Variants in ZNF77 observed in about 807,000 individuals in gnomAD.
ZNF77 encodes the protein ZNFpT1.
ZNF77 carries 15 observed loss-of-function variants against 13.5 expected under a neutral mutation model. The observed-to-expected ratio is 1.11, with a 90% CI of 0.74 to 1.71. ZNF77 has a LOEUF of 1.71. ZNF77 is among the 40% of genes most tolerant of loss of function. The pLI, the probability that ZNF77 is intolerant of heterozygous loss-of-function variation, is 0.00. For missense variants in ZNF77, 717 were observed against 676.4 expected (o/e 1.06, Z -0.67); for synonymous variants, 282 against 250.0 (o/e 1.13, Z -1.21).
intron 3 of ZNF77, among the ~76,000 whole-genome samples, chr19:2,935,377 G>C (rs2088387206): frequency 6.9e-6 from 1 of 145,792 alleles, no homozygotes; most frequent in Non-Finnish European, 1.5e-5. Context: ...GAGTGCAATG[G>C]CATGATCTCA....
In ZNF77 at chr19:2,933,991, G is replaced by A; in HGVS notation, c.1136C>T (p.Pro379Leu). The change falls in exon 4 of 4, where the codon CCC becomes CTC. Residue 379 changes from proline to leucine, a missense_variant. Coordinates refer to ENST00000314531, the MANE Select transcript of ZNF77 (RefSeq NM_021217.3). The stretch of plus-strand genomic sequence containing the variant: ...CTTCCCACACTGCTTGCACACATAG[G>A]GCTTCTCTCCGGTGTGCATTCTCAT... ...AHMRMHTGEK[P>L]YVCKQCGKAF... 1 of 1,614,164 alleles carries A rather than the reference G, an allele frequency of 6.2e-7. No homozygotes were observed. Among genetic ancestry groups the A allele is most frequent in the South Asian group, 1.1e-5 (1 of 91,078 alleles).
At position 2,933,749 on chromosome 19, in the gene ZNF77, C is replaced by T. The variant is rs35411355; in HGVS notation, c.1378G>A (p.Gly460Arg). The change falls in exon 4 of 4, where the codon GGA (glycine) becomes AGA (arginine). Residue 460 changes from glycine (G) to arginine (R), a missense_variant. Physicochemically the swap from Gly to Arg is moderately radical, Grantham distance 125 (BLOSUM62 -2). Coordinates refer to ENST00000314531, the MANE Select transcript of ZNF77 (RefSeq NM_021217.3). ...SLREHVRTHS[G>R]EKPYECNQCG... is the part of the protein sequence containing the mutation. The stretch of plus-strand genomic sequence containing the variant: ...TGATTACATTCGTACGGTTTCTCTC[C>T]GCTGTGGGTTCGCACATGCTCTCGA... 670 of 1,612,870 alleles carry T rather than the reference C, an allele frequency of 4.2e-4. 1 individual carries two copies. In the African/African-American group the frequency reaches 7.7e-3, roughly 19 times the overall value.
rs545315915 is a variant in ZNF77 at position 2,943,548 on chromosome 19, C to T, written c.3+1290G>A. On this transcript the variant is annotated intron_variant, in intron 1 of 3. Coordinates refer to ENST00000314531, the MANE Select transcript of ZNF77 (RefSeq NM_021217.3). ...ACGAGGAGGTACATTTACTGTCAAC[C>T]TCCTTTCTGCTTGTCCCCTAAAACG... Among the ~76,000 whole-genome samples the T allele has an allele frequency of 3.9e-5, 6 of 151,980 alleles. No individual in the cohort carries two copies. In the South Asian group the frequency reaches 1.3e-3, roughly 32 times the overall value.
Position 2,934,088 on chromosome 19 carries a change from T to C in ZNF77, c.1039A>G (p.Ser347Gly), listed in dbSNP as rs2088371352. The C allele has an allele frequency of 6.2e-7, 1 of 1,614,150 alleles. No individual in the cohort carries two copies. Residue 347 changes from serine (S) to glycine (G), a missense_variant, in exon 4 of 4, where the codon AGT becomes GGT. Transcript: ENST00000314531. ...TTACATTCATAGGGTTTCTCTCCAC[T>C]GTGCGTTCTCCCATGTTCTCGAAGA... ...SSLREHGRTH[S>G]GEKPYECKEC...
At position 2,933,285 on chromosome 19, in the gene ZNF77, A is replaced by C. The variant is rs8107324; in HGVS notation, c.*204T>G. ...CAAACATACACTAGAAATTAATACA[A>C]AAGGAATCACTATTAAGGCTGAGGC... On this transcript the variant is annotated 3_prime_UTR_variant, in exon 4 of 4. Transcript: ENST00000314531. The C allele has an allele frequency of 0.035, 16,368 of 463,100 alleles. 2,268 individuals carry two copies. The highest frequency in any genetic ancestry group is 0.29 in the African/African-American group (14,727 of 50,286). 28.7% of individuals were successfully genotyped at this position (463,100 alleles called of 1,614,324 possible).
chr19:2,936,561 T>C lies in ZNF77; in HGVS notation c.274A>G (p.Thr92Ala), dbSNP rs200864167. ...IFGENWRFDN[T>A]GDQHQIPQRH... The stretch of plus-strand genomic sequence containing the variant: ...TGTGGGATTTGGTGCTGATCTCCAG[T>C]GTTATCAAATCTCCAATTTTCTCCA... The change falls in exon 3 of 4, where the codon ACT becomes GCT. Residue 92 changes from threonine to alanine, a missense_variant. Physicochemically the swap from Thr to Ala is moderately conservative, Grantham distance 58 (BLOSUM62 0). Transcript: ENST00000314531. The C allele has an allele frequency of 1.5e-4, 235 of 1,610,722 alleles. No individual in the cohort carries two copies. The highest frequency in any genetic ancestry group is 1.8e-4 in the Non-Finnish European group (216 of 1,179,138).
Position 2,934,707 on chromosome 19 carries a change from T to C in ZNF77, c.420A>G (p.Lys140=), listed in dbSNP as rs771976899. The C allele has an allele frequency of 9.9e-6, 16 of 1,614,126 alleles. No individual in the cohort carries two copies. Among genetic ancestry groups the C allele is most frequent in the Admixed American group, 1.7e-5 (1 of 59,994 alleles). The part of the protein sequence containing the change: ...LVHKSYPTEA[K]PSECTKCGKA... Reference sequence around the variant, plus strand: ...TGCCACACTTAGTGCACTCAGAGGGTTTAGCTTCGGTAGGGTAACTCTTGT... The same window carrying C: ...TGCCACACTTAGTGCACTCAGAGGGCTTAGCTTCGGTAGGGTAACTCTTGT... Residue 140 remains lysine (K), a synonymous_variant, in exon 4 of 4, where the codon AAA becomes AAG. Transcript: ENST00000314531.
At position 2,934,761 on chromosome 19, in the gene ZNF77, G is replaced by C; in HGVS notation, c.366C>G (p.Thr122=). 1.2e-6 allele frequency: 2 copies of C among 1,614,034 alleles called. No individual in the cohort carries two copies. Among genetic ancestry groups the C allele is most frequent in the Non-Finnish European group, 1.7e-6 (2 of 1,179,962 alleles). Reference sequence around the variant, plus strand: ...CAAGAAGGTTCGCAGTCTGGCTCAAGGTCTCTCCGCATTGATGACCTTCAT... The same window carrying C: ...CAAGAAGGTTCGCAGTCTGGCTCAACGTCTCTCCGCATTGATGACCTTCAT... ...ESNEGHQCGE[T]LSQTANLLVH... Residue 122 remains threonine, a synonymous_variant, in exon 4 of 4, where the codon ACC becomes ACG. Transcript: ENST00000314531.
chr19:2,934,854 C>G (rs2088382156), intron 3 of ZNF77, 39 bp from the exon 4 acceptor site: 1 of 1,542,580 alleles, frequency 6.5e-7, no homozygotes, highest in Non-Finnish European at 8.7e-7. Flanking sequence ...TCATGAATGA[C>G]TATAAGTGAT....
At chr19:2,942,220 T>C (rs758004682) in intron 1 of ZNF77, among the ~76,000 whole-genome samples, 66 of 151,820 alleles carry the variant, frequency 4.3e-4, no homozygotes, top group Middle Eastern at 3.4e-3. Context: ...TGCAGGCACT[T>C]GCCATCACAC....
intron 2 of ZNF77, among the ~76,000 whole-genome samples, chr19:2,937,254 C>T (rs935581922): frequency 9.9e-5 from 15 of 151,992 alleles, no homozygotes; most frequent in Non-Finnish European, 1.2e-4. Flanking sequence ...GAGGCCGAAG[C>T]GGGTGGATCA....
rs2088431183 is a variant in ZNF77 at position 2,939,508 on chromosome 19, A to C, written c.4-101T>G. On this transcript the variant is annotated intron_variant, in intron 1 of 3. Coordinates refer to ENST00000314531, the MANE Select transcript of ZNF77 (RefSeq NM_021217.3). ...CAGCCTGGGGAACTGAGCCACACAG[A>C]GCTTATGTCCTTGTGAGAGGTGACC... 8 of 1,533,868 alleles carry C rather than the reference A, an allele frequency of 5.2e-6. No individual in the cohort carries two copies. In the East Asian group the frequency reaches 1.8e-4, roughly 35 times the overall value.
rs527631407 is a variant in ZNF77 at position 2,941,744 on chromosome 19, C to T, written c.4-2337G>A. 8.5e-5 allele frequency among the ~76,000 whole-genome samples: 13 copies of T among 152,300 alleles called. 1 individual carries two copies. The East Asian group carries it at 9.6e-4, about 11-fold the overall frequency. On this transcript the variant is annotated intron_variant, in intron 1 of 3. Transcript: ENST00000314531. ...ACTGTGGGTCGTATATTACAGAATG[C>T]GCATCTGTCTGATGCGCAGATACTA... is the stretch of plus-strand genomic sequence containing the variant.
At chr19:2,939,078 G>GGCAAGGTTCCT (rs2088425774) in intron 2 of ZNF77, among the ~76,000 whole-genome samples, 1 of 84,694 alleles carries the variant, frequency 1.2e-5, no homozygotes, top group Non-Finnish European at 2.9e-5. Flanking sequence ...TACCCAAGGA[G>GGCAAGGTTCCT]GCAGTGAGGG....
chr19:2,940,622 G>A (rs1178571501), intron 1 of ZNF77, among the ~76,000 whole-genome samples: 1 of 149,412 alleles, frequency 6.7e-6, no homozygotes, highest in Non-Finnish European at 1.5e-5. Flanking sequence ...GCAGTGAGCC[G>A]AGATGGCGCC....
intron 2 of ZNF77, among the ~76,000 whole-genome samples, chr19:2,937,439 C>A (rs925448400): frequency 6.6e-6 from 1 of 151,240 alleles, no homozygotes; most frequent in Non-Finnish European, 1.5e-5. Context: ...GAGCCAAGAT[C>A]GCACCATTGC....
rs764955074 is a variant in ZNF77, at chr19:2,933,503, G to A, written c.1624C>T (p.His542Tyr). 3 of 1,569,272 alleles carry A rather than the reference G, an allele frequency of 1.9e-6. No homozygotes were observed. The highest frequency in any genetic ancestry group is 2.6e-6 in the Non-Finnish European group (3 of 1,153,708). ...TATTCGTAGATTCACGCTCCAGCAT[G>A]TGTTCTCACATGTGCTTGAAGCGAT... ...LASLQAHVRTHAGA is the reference protein window; with the variant it reads ...LASLQAHVRTYAGA Residue 542 changes from histidine to tyrosine, a missense_variant, in exon 4 of 4, where the codon CAT becomes TAT. By Grantham distance (83) the His-to-Tyr change is moderately conservative. Transcript: ENST00000314531.
intron 1 of ZNF77, chr19:2,939,695 A>C (rs2088432869): frequency 5.2e-6 from 2 of 382,872 alleles, no homozygotes; most frequent in African/African-American, 4.1e-5. Context: ...CATTAAGCTA[A>C]GGCTGGTGGC....
chr19:2,935,961 AGCCAAGAT>A (rs2088392610), intron 3 of ZNF77, among the ~76,000 whole-genome samples: 3 of 152,038 alleles, frequency 2.0e-5, no homozygotes, highest in African/African-American at 7.2e-5. Flanking sequence ...GGTTGCAGTG[AGCCAAGAT>A]CCGTGCCACT....
Sources: gnomAD v4.1 joint callset for allele counts (sites outside exome capture counted in the v4.1 genomes callset) on GRCh38, gnomAD v4.1.1 for gene constraint, MANE v1.5 for transcripts, NCBI Gene and HGNC (gene_info 2026-07-23, HGNC 2026-07-21) for gene names.